ARHGAP24: variants seen among roughly 807,000 people sequenced by gnomAD.
ARHGAP24 encodes the protein Rho GTPase activating protein 24.
Under a neutral mutation model 76.4 loss-of-function variants are expected in ARHGAP24, and 50 were observed. That is an observed-to-expected ratio of 0.65 (90% CI 0.52 to 0.83). The LOEUF (loss-of-function observed/expected upper bound fraction) is 0.83. Ranked by LOEUF, ARHGAP24 falls within the 40% of genes least tolerant of loss-of-function variation. The probability of loss-of-function intolerance (pLI) is 0.00; values close to 1 mark genes in which losing one functional copy is unlikely to be tolerated. For missense variants in ARHGAP24, 930 were observed against 914.2 expected (o/e 1.02, Z -0.22); for synonymous variants, 345 against 323.3 (o/e 1.07, Z -0.72).
At chr4:85,550,497 C>A (rs1214394585) in intron 1 of ARHGAP24, among the ~76,000 whole-genome samples, 1 of 152,042 alleles carries the variant, frequency 6.6e-6, no homozygotes, top group Admixed American at 6.5e-5. Context: ...CAGCTTTGTT[C>A]TTTTTGCTTA....
chr4:85,996,940 A>G (rs1433596089), intron 9 of ARHGAP24, among the ~76,000 whole-genome samples: 2 of 152,182 alleles, frequency 1.3e-5, no homozygotes, highest in Admixed American at 1.3e-4. Flanking sequence ...TTGCAGATGG[A>G]TACATTCATT....
At chr4:85,926,935 A>C (rs1736052326) in intron 4 of ARHGAP24, among the ~76,000 whole-genome samples, 1 of 152,200 alleles carries the variant, frequency 6.6e-6, no homozygotes, top group South Asian at 2.1e-4. Flanking sequence ...TTATAAGTCC[A>C]TGCCTTATTG....
chr4:85,963,848 TTG>T (rs1456379073), intron 5 of ARHGAP24, among the ~76,000 whole-genome samples: 1 of 152,160 alleles, frequency 6.6e-6, no homozygotes, highest in Non-Finnish European at 1.5e-5. Context: ...ACAATTCATT[TTG>T]TTTGTTATTT....
At chr4:85,619,900 A>T (rs62317188) in intron 2 of ARHGAP24, among the ~76,000 whole-genome samples, 2 of 151,448 alleles carry the variant, frequency 1.3e-5, no homozygotes, top group East Asian at 3.9e-4. Context: ...CAAATGCCTT[A>T]TCTGCATCTA....
chr4:85,926,583 C>A (rs1288614386), intron 4 of ARHGAP24, among the ~76,000 whole-genome samples: 1 of 152,052 alleles, frequency 6.6e-6, no homozygotes, highest in African/African-American at 2.4e-5. Context: ...TTAATAAATT[C>A]TGTTATTGAT....
rs189483537 is a variant in ARHGAP24 at position 85,565,198 on chromosome 4, T to C, written c.-20-5324T>C. On this transcript the variant is annotated intron_variant, in intron 1 of 9. Coordinates refer to ENST00000395184, the MANE Select transcript of ARHGAP24 (RefSeq NM_001025616.3). ...GCAATACCTATAAAATAAACTATTT[T>C]GTTTAAAATAAGAAAAAGTAGAATT... 9.4e-3 allele frequency among the ~76,000 whole-genome samples: 1,428 copies of C among 152,008 alleles called. 26 individuals carry two copies. Among genetic ancestry groups the C allele is most frequent in the African/African-American group, 0.033 (1,363 of 41,480 alleles).
chr4:85,849,800 A>G (rs1368471937), intron 3 of ARHGAP24, among the ~76,000 whole-genome samples: 5 of 151,552 alleles, frequency 3.3e-5, no homozygotes, highest in Admixed American at 6.6e-5. Flanking sequence ...GGTGAAGCCC[A>G]CTTGATCTTG....
chr4:85,884,966 T>C (rs1733477258), intron 3 of ARHGAP24, among the ~76,000 whole-genome samples: 1 of 152,110 alleles, frequency 6.6e-6, no homozygotes, highest in Non-Finnish European at 1.5e-5. Context: ...GTTTGGAAAA[T>C]TTTTAATGAT....
chr4:85,547,747 C>T (rs1409122076), intron 1 of ARHGAP24, among the ~76,000 whole-genome samples: 2 of 152,172 alleles, frequency 1.3e-5, no homozygotes, highest in Non-Finnish European at 2.9e-5. Context: ...GCAATGTAAA[C>T]TTTGATCACT....
chr4:85,594,707 A>G (rs1410608699), intron 2 of ARHGAP24, among the ~76,000 whole-genome samples: 1 of 152,126 alleles, frequency 6.6e-6, no homozygotes, highest in African/African-American at 2.4e-5. Context: ...TATTCTTTCT[A>G]CAGTATGTGG....
chr4:85,620,140 G>A (rs575914961), intron 2 of ARHGAP24, among the ~76,000 whole-genome samples: 4 of 151,956 alleles, frequency 2.6e-5, no homozygotes, highest in Non-Finnish European at 5.9e-5. Flanking sequence ...ATCCTTTTCT[G>A]GCTTTGGTAT....
intron 5 of ARHGAP24, among the ~76,000 whole-genome samples, chr4:85,963,079 C>A (rs1738359903): frequency 6.6e-6 from 1 of 151,886 alleles, no homozygotes. Flanking sequence ...CTGTAGTTTG[C>A]AAACTATCAT....
At chr4:85,909,107 A>G (rs891908487) in intron 3 of ARHGAP24, among the ~76,000 whole-genome samples, 1 of 152,180 alleles carries the variant, frequency 6.6e-6, no homozygotes, top group African/African-American at 2.4e-5. Context: ...TTTTGAAGTT[A>G]AAGGTTTAAG....
intron 3 of ARHGAP24, among the ~76,000 whole-genome samples, chr4:85,827,580 C>T (rs1729785517): frequency 6.7e-6 from 1 of 149,936 alleles, no homozygotes; most frequent in Non-Finnish European, 1.5e-5. Context: ...GGCTTGGTGC[C>T]ATTTGGGATT....
intron 3 of ARHGAP24, among the ~76,000 whole-genome samples, chr4:85,843,329 C>CT (rs1380652017): frequency 6.6e-6 from 1 of 152,078 alleles, no homozygotes; most frequent in Non-Finnish European, 1.5e-5. Context: ...GCTCTAAGTT[C>CT]TTTCATTATC....
Position 85,955,565 on chromosome 4 carries a change from A to G in ARHGAP24, c.599+13292A>G, listed in dbSNP as rs191689159. ...TTGTCGTTCCTTGGCTTGTAGCTAC[A>G]TAACTCCAACCTCTGCCCCCATCTC... On this transcript the variant is annotated intron_variant, in intron 5 of 9. Transcript: ENST00000395184. Among the ~76,000 whole-genome samples, 109 of 152,324 alleles carry G rather than the reference A, an allele frequency of 7.2e-4. No homozygotes were observed. The East Asian group carries it at 0.018, about 26-fold the overall frequency.
chr4:85,901,389 C>CAAA (rs919133191), intron 3 of ARHGAP24, among the ~76,000 whole-genome samples: 1 of 147,918 alleles, frequency 6.8e-6, no homozygotes, highest in African/African-American at 2.5e-5. Context: ...AAACAAACAA[C>CAAA]AAAAAAAAAA....
At chr4:85,596,185 T>C (rs1452317186) in intron 2 of ARHGAP24, among the ~76,000 whole-genome samples, 1 of 151,962 alleles carries the variant, frequency 6.6e-6, no homozygotes, top group Non-Finnish European at 1.5e-5. Context: ...GAAATGTGCT[T>C]TAGTTTTCTT....
At chr4:85,930,826 T>C in intron 4 of ARHGAP24, 1 of 1,573,906 alleles carries the variant, frequency 6.4e-7, no homozygotes, top group Non-Finnish European at 8.6e-7. Context: ...GGATCAGCAC[T>C]TCAAAAATAA....
Sources: gnomAD v4.1 joint callset for allele counts (sites outside exome capture counted in the v4.1 genomes callset) on GRCh38, gnomAD v4.1.1 for gene constraint, MANE v1.5 for transcripts, NCBI Gene and HGNC (gene_info 2026-07-23, HGNC 2026-07-21) for gene names.